The following USP14 variants were observed in gnomAD, a reference collection of about 807,000 sequenced individuals.
The protein encoded by USP14 is ubiquitin specific peptidase 14.
USP14 carries 38 observed loss-of-function variants against 76.5 expected under a neutral mutation model. The ratio of observed to expected loss-of-function variants is 0.50; its 90% CI spans 0.38 to 0.65. The LOEUF is 0.65. USP14 is among the 30% of genes least tolerant of loss of function. The pLI is 0.00. For synonymous variants in USP14, 192 were observed against 191.7 expected (o/e 1.00, Z -0.01); for missense variants, 467 against 586.5 (o/e 0.80, Z 2.10).
intron 1 of USP14, among the ~76,000 whole-genome samples, chr18:159,624 A>G (rs1008599968): frequency 6.6e-6 from 1 of 152,216 alleles, no homozygotes; most frequent in Non-Finnish European, 1.5e-5. Context: ...TTTGATCTCA[A>G]GGTGGATTCT....
intron 5 of USP14, among the ~76,000 whole-genome samples, chr18:187,456 A>G (rs1179229619): frequency 2.6e-5 from 4 of 152,066 alleles, no homozygotes; most frequent in South Asian, 2.1e-4. Context: ...CTCTAAATGG[A>G]TATATAGTGG....
chr18:186,204 G>C (rs1264278884), intron 5 of USP14, among the ~76,000 whole-genome samples: 1 of 152,212 alleles, frequency 6.6e-6, no homozygotes, highest in Non-Finnish European at 1.5e-5. Context: ...GCTCATGCCT[G>C]TGATCCCAGT....
intron 3 of USP14, among the ~76,000 whole-genome samples, chr18:171,229 G>T (rs1485513985): frequency 6.6e-6 from 1 of 151,836 alleles, no homozygotes; most frequent in Non-Finnish European, 1.5e-5. Flanking sequence ...GATTTTCAGT[G>T]TGGATGAAGC....
chr18:205,450 C>G (rs762229330), intron 13 of USP14, among the ~76,000 whole-genome samples: 5 of 152,058 alleles, frequency 3.3e-5, no homozygotes, highest in Non-Finnish European at 7.4e-5. Context: ...TGACAACTAC[C>G]AACCCGTTCA....
chr18:176,255 T>C (rs1909625284), intron 3 of USP14, among the ~76,000 whole-genome samples: 1 of 152,170 alleles, frequency 6.6e-6, no homozygotes, highest in Admixed American at 6.5e-5. Context: ...TTTAAAATTT[T>C]GAAAATTTTT....
chr18:198,203 T>C (rs991694674), intron 9 of USP14, 71 bp downstream of exon 9: 2 of 1,334,320 alleles, frequency 1.5e-6, no homozygotes, highest in African/African-American at 2.9e-5. Context: ...CATCATTGGC[T>C]GATTGATTGG....
intron 1 of USP14, among the ~76,000 whole-genome samples, chr18:160,751 A>G (rs1262427394): frequency 1.3e-5 from 2 of 152,126 alleles, no homozygotes; most frequent in Admixed American, 6.5e-5. Flanking sequence ...TTTAGCTTGT[A>G]CTATTGTAAT....
intron 5 of USP14, among the ~76,000 whole-genome samples, chr18:184,030 G>A (rs1909859062): frequency 6.6e-6 from 1 of 152,050 alleles, no homozygotes; most frequent in South Asian, 2.1e-4. Flanking sequence ...CTGAGAGAGT[G>A]CTCTTTTATG....
chr18:191,320 G>A (rs1910079214), intron 5 of USP14, among the ~76,000 whole-genome samples: 2 of 152,016 alleles, frequency 1.3e-5, no homozygotes, highest in Non-Finnish European at 2.9e-5. Context: ...AAATGAAAAA[G>A]GGAAAAACAA....
rs924790117 is a variant in USP14, at chr18:203,245, T to A, written c.1035+55T>A. On this transcript the variant is annotated intron_variant, in intron 12 of 15. Coordinates refer to ENST00000261601, the MANE Select transcript of USP14 (RefSeq NM_005151.4). ...AATGTAATTCTTTGAAGGTAATTGC[T>A]AACTCACAATTGCTTTCATTATTCC... 3 of 1,468,686 alleles carry A rather than the reference T, an allele frequency of 2.0e-6. No individual in the cohort carries two copies. In the Admixed American group the frequency reaches 5.5e-5, roughly 27 times the overall value. 91.0% of individuals were successfully genotyped at this position (1,468,686 alleles called of 1,614,324 possible).
At chr18:203,931 T>A (rs2143087552) in intron 12 of USP14, among the ~76,000 whole-genome samples, 1 of 152,276 alleles carries the variant, frequency 6.6e-6, no homozygotes, top group East Asian at 1.9e-4. Flanking sequence ...TAAATTGTAA[T>A]CCCTTGATTT....
chr18:158,874 C>T (rs1196148305), intron 1 of USP14, 160 bp downstream of exon 1: 1 of 1,154,778 alleles, frequency 8.7e-7, no homozygotes, highest in African/African-American at 1.6e-5. Flanking sequence ...CGTCCCCTCT[C>T]CCGGCTGGGT....
At chr18:163,205 A>G in intron 1 of USP14, 103 bp from the exon 2 acceptor site, 1 of 1,039,166 alleles carries the variant, frequency 9.6e-7, no homozygotes, top group Non-Finnish European at 1.4e-6. Context: ...AAGATGAATG[A>G]CATGTTTTGA....
intron 3 of USP14, among the ~76,000 whole-genome samples, chr18:171,140 G>A (rs967133582): frequency 6.6e-6 from 1 of 150,596 alleles, no homozygotes; most frequent in African/African-American, 2.4e-5. Context: ...GAAACAGTAA[G>A]TGCTGATGGA....
chr18:179,508 T>C (rs1336010316), intron 4 of USP14, among the ~76,000 whole-genome samples: 2 of 151,694 alleles, frequency 1.3e-5, no homozygotes, highest in East Asian at 1.9e-4. Context: ...TAGAAACTGG[T>C]CAACACGTGT....
chr18:176,407 C>T (rs1462451197), intron 3 of USP14, among the ~76,000 whole-genome samples: 2 of 152,146 alleles, frequency 1.3e-5, no homozygotes, highest in African/African-American at 4.8e-5. Flanking sequence ...CCCACCTTAG[C>T]CTTCCGACTA....
chr18:211,221 C>A lies in USP14; in HGVS notation c.1422C>A (p.Ile474=), dbSNP rs374369626. 1.2e-6 allele frequency: 2 copies of A among 1,613,944 alleles called. No homozygotes were observed. Among genetic ancestry groups the A allele is most frequent in the East Asian group, 4.5e-5 (2 of 44,896 alleles). ...LRLSGGGDWH[I]AYVLLYGPRR... is the part of the protein sequence containing the mutation. Reference sequence around the variant, plus strand: ...TTTCTGGTGGTGGAGACTGGCATATCGCTTACGTTCTACTCTATGGGCCTC... The same window carrying A: ...TTTCTGGTGGTGGAGACTGGCATATAGCTTACGTTCTACTCTATGGGCCTC... Residue 474 remains isoleucine, a synonymous_variant, in exon 16 of 16, where the codon ATC becomes ATA. Coordinates refer to ENST00000261601, the MANE Select transcript of USP14 (RefSeq NM_005151.4).
rs867141097 is a variant in USP14, at chr18:166,686, A to C, written c.163-101A>C. The C allele has an allele frequency of 1.5e-5, 20 of 1,372,264 alleles. No individual in the cohort carries two copies. The Middle Eastern group carries it at 1.2e-3, about 79-fold the overall frequency. The allele number at this position is 1,372,264 out of a possible 1,614,324, so 85.0% of individuals were successfully genotyped here. ...TTAAATAAAATCTGCATATAGGATA[A>C]ATTTTATTCTGTTTTGAAGTACATT... On this transcript the variant is annotated intron_variant, in intron 2 of 15. Coordinates refer to ENST00000261601, the MANE Select transcript of USP14 (RefSeq NM_005151.4).
At chr18:204,438 G>T in intron 12 of USP14, 126 bp from the exon 13 acceptor site, 2 of 902,504 alleles carry the variant, frequency 2.2e-6, no homozygotes, top group African/African-American at 1.7e-5. Context: ...AGATTTCCAA[G>T]TGATTTTCAC....
Sources: gnomAD v4.1 joint callset for allele counts (sites outside exome capture counted in the v4.1 genomes callset) on GRCh38, gnomAD v4.1.1 for gene constraint, MANE v1.5 for transcripts, NCBI Gene and HGNC (gene_info 2026-07-23, HGNC 2026-07-21) for gene names.